CHL1: variants seen among roughly 807,000 people sequenced by gnomAD.
The protein encoded by CHL1 is neural cell adhesion molecule L1-like protein.
Under a neutral mutation model 141.9 loss-of-function variants are expected in CHL1, and 96 were observed. The ratio of observed to expected loss-of-function variants is 0.68; its 90% CI spans 0.57 to 0.80. The LOEUF (loss-of-function observed/expected upper bound fraction) is 0.80. Among genes scored for constraint, CHL1 ranks in the 30% least tolerant of loss-of-function variants. CHL1 has a pLI of 0.00. For synonymous variants in CHL1, 613 were observed against 502.2 expected, an observed-to-expected ratio of 1.22 and a Z score of -2.95; for missense variants, 1,820 against 1,457.2, an observed-to-expected ratio of 1.25 and a Z score of -4.05.
At chr3:285,557 G>A (rs79673566) in intron 2 of CHL1, among the ~76,000 whole-genome samples, 2 of 152,188 alleles carry the variant, frequency 1.3e-5, no homozygotes, top group East Asian at 3.9e-4. Context: ...AGTCTCACTG[G>A]GCTCCAGAGA....
chr3:399,938 C>A (rs564501212), intron 26 of CHL1, among the ~76,000 whole-genome samples: 36 of 152,248 alleles, frequency 2.4e-4, no homozygotes, highest in South Asian at 6.2e-4. Context: ...AGACACACTG[C>A]CTCTTGAATT....
intron 2 of CHL1, among the ~76,000 whole-genome samples, chr3:301,453 C>G (rs910584644): frequency 1.3e-5 from 2 of 152,162 alleles, no homozygotes; most frequent in Non-Finnish European, 2.9e-5. Context: ...AATAAACAAG[C>G]AAAAGTGACT....
chr3:280,497 A>G (rs1377141973), intron 2 of CHL1, among the ~76,000 whole-genome samples: 1 of 152,228 alleles, frequency 6.6e-6, no homozygotes, highest in Non-Finnish European at 1.5e-5. Context: ...TGAATAATTT[A>G]GATAAGAATT....
At chr3:207,688 T>G (rs147636836) in intron 1 of CHL1, among the ~76,000 whole-genome samples, 101 of 152,316 alleles carry the variant, frequency 6.6e-4, no homozygotes, top group African/African-American at 2.2e-3. Context: ...ATAAAGAAGA[T>G]CTGAGTGAAT....
intron 1 of CHL1, among the ~76,000 whole-genome samples, chr3:218,103 G>A (rs457391): frequency 0.85 from 128,625 of 151,868 alleles, 55,295 homozygotes; most frequent in East Asian, 1. Flanking sequence ...AAGAATAAGT[G>A]GTTGTGAGAT....
At chr3:276,700 T>G (rs75416432) in intron 2 of CHL1, among the ~76,000 whole-genome samples, 1 of 151,808 alleles carries the variant, frequency 6.6e-6, no homozygotes, top group Non-Finnish European at 1.5e-5. Context: ...CCGTCCTGGC[T>G]AACAGGGTGA....
At chr3:396,349 C>G (rs1026691887) in intron 24 of CHL1, among the ~76,000 whole-genome samples, 4 of 152,094 alleles carry the variant, frequency 2.6e-5, no homozygotes, top group Middle Eastern at 3.2e-3. Context: ...TTTTTAAAAA[C>G]AGAATTTAAG....
At position 205,104 on chromosome 3, in the gene CHL1, C is replaced by CTTTCCT. The variant is rs59728908; in HGVS notation, c.-175+8044_-175+8045insCCTTTT. 7.1e-4 allele frequency among the ~76,000 whole-genome samples: 92 copies of CTTTCCT among 129,098 alleles called. 2 individuals are homozygous for CTTTCCT. The South Asian group carries it at 0.013, about 18-fold the overall frequency. 84.7% of individuals were successfully genotyped at this position (129,098 alleles called of 152,430 possible). A position where few individuals can be genotyped will look rare whatever the true frequency, so the allele number is the denominator to read the frequency against. On this transcript the variant is annotated intron_variant, in intron 1 of 27. Coordinates refer to ENST00000256509, the MANE Select transcript of CHL1 (RefSeq NM_006614.4). ...CTTTTTCCTTTTTCTTTCTTTCTTT[C>CTTTCCT]TTTTTTTTTTTTTTTGGAGATAGGG...
rs749197194 is a variant in CHL1, at chr3:390,678, A to G, written c.2471-23A>G. On this transcript the variant is annotated intron_variant, in intron 20 of 27. Coordinates refer to ENST00000256509, the MANE Select transcript of CHL1 (RefSeq NM_006614.4). ...TCACATTTGCAGGTTATTGAAAACT[A>G]ATCAATCTTCTATGATTAACAGATC... is the stretch of plus-strand genomic sequence containing the variant. The G allele has an allele frequency of 3.0e-6, 4 of 1,331,696 alleles. No homozygotes were observed. In the South Asian group the frequency reaches 3.6e-5, roughly 12 times the overall value. 82.5% of individuals were successfully genotyped at this position (1,331,696 alleles called of 1,614,324 possible). A position where few individuals can be genotyped will look rare whatever the true frequency, so the allele number is the denominator to read the frequency against.
chr3:359,201 G>A (rs937482045), intron 11 of CHL1, among the ~76,000 whole-genome samples: 3 of 151,810 alleles, frequency 2.0e-5, no homozygotes, highest in Admixed American at 6.6e-5. Flanking sequence ...CTGATCCATC[G>A]AGTTCTGAGC....
In CHL1 at chr3:228,375, C is replaced by A. The variant is rs529325929; in HGVS notation, c.-174-16238C>A. 3.3e-5 allele frequency among the ~76,000 whole-genome samples: 5 copies of A among 152,134 alleles called. No homozygotes were observed. The South Asian group carries it at 1.0e-3, about 32-fold the overall frequency. On this transcript the variant is annotated intron_variant, in intron 1 of 27. Transcript: ENST00000256509. ...CACCAGAAAAATATTTGTACTATTT[C>A]CTTCTTAAACTTTGCACAACTTTTT...
intron 5 of CHL1, among the ~76,000 whole-genome samples, chr3:334,867 T>C (rs1304911459): frequency 6.6e-6 from 1 of 152,244 alleles, no homozygotes; most frequent in Non-Finnish European, 1.5e-5. Flanking sequence ...CCGTTCTGCA[T>C]TGCCTTGTAG....
chr3:214,645 G>T (rs1700161262), intron 1 of CHL1, among the ~76,000 whole-genome samples: 2 of 152,164 alleles, frequency 1.3e-5, no homozygotes, highest in South Asian at 2.1e-4. Flanking sequence ...AATACCCTTG[G>T]TATTAATTAG....
chr3:363,563 C>A (rs2125278581), intron 14 of CHL1, 180 bp downstream of exon 14: 2 of 573,624 alleles, frequency 3.5e-6, no homozygotes, highest in South Asian at 2.2e-5. Context: ...CAGGGTATGC[C>A]CATGATATGT....
At chr3:321,938 C>T (rs1700597606) in intron 3 of CHL1, among the ~76,000 whole-genome samples, 1 of 151,992 alleles carries the variant, frequency 6.6e-6, no homozygotes, top group Admixed American at 6.6e-5. Flanking sequence ...AGGTTATTAG[C>T]TCCGTTCCCC....
intron 2 of CHL1, among the ~76,000 whole-genome samples, chr3:288,786 C>T (rs752985242): frequency 2.0e-5 from 3 of 152,196 alleles, no homozygotes; most frequent in Non-Finnish European, 4.4e-5. Flanking sequence ...GGACCAGTAA[C>T]ACCATCTTTA....
chr3:360,774 A>G lies in CHL1; in HGVS notation c.1306+350A>G, dbSNP rs922534355. ...ACCCCACAACAGTCCCCAGAGTGTG[A>G]TGTTCCCCTTCCTGTGTCCATGTGA... On this transcript the variant is annotated intron_variant, in intron 12 of 27. Coordinates refer to ENST00000256509, the MANE Select transcript of CHL1 (RefSeq NM_006614.4). Among the ~76,000 whole-genome samples the G allele has an allele frequency of 2.5e-5, 3 of 120,234 alleles. No homozygotes were observed. The Admixed American group carries it at 3.1e-4, about 13-fold the overall frequency. The allele number at this position is 120,234 out of a possible 152,430, so 78.9% of individuals were successfully genotyped here.
Position 406,010 on chromosome 3 carries a change from T to C in CHL1, c.*299T>C, listed in dbSNP as rs902120946. 1 of 293,568 alleles carries C rather than the reference T, an allele frequency of 3.4e-6. No homozygotes were observed. The highest frequency in any genetic ancestry group is 6.5e-6 in the Non-Finnish European group (1 of 153,840). The allele number at this position is 293,568 out of a possible 1,614,324, so 18.2% of individuals were successfully genotyped here. On this transcript the variant is annotated 3_prime_UTR_variant, in exon 28 of 28. Coordinates refer to ENST00000256509, the MANE Select transcript of CHL1 (RefSeq NM_006614.4). ...CAAAGTCCCCATTCAGTATATTCCATATTTGCCTGATTTTACTATTCGGTG... is the reference window on the plus strand; with the variant it reads ...CAAAGTCCCCATTCAGTATATTCCACATTTGCCTGATTTTACTATTCGGTG...
At chr3:289,776 T>C (rs1559206440) in intron 2 of CHL1, among the ~76,000 whole-genome samples, 1 of 151,714 alleles carries the variant, frequency 6.6e-6, no homozygotes, top group Non-Finnish European at 1.5e-5. Context: ...ATTTAATACA[T>C]ATTGATTTAA....
Sources: allele counts gnomAD v4.1 joint callset (sites outside exome capture counted in the v4.1 genomes callset), GRCh38; gene constraint gnomAD v4.1.1; transcripts MANE v1.5; gene names NCBI Gene and HGNC (gene_info 2026-07-23, HGNC 2026-07-21).